The following MGME1 variants were observed in gnomAD, a reference collection of about 807,000 sequenced individuals.
MGME1 encodes the protein chromosome 20 open reading frame 72.
A neutral mutation model predicts 33.0 loss-of-function variants in MGME1; 22 were observed. The observed-to-expected ratio is 0.67, with a 90% CI of 0.48 to 0.95. The LOEUF is 0.95. Ranked by LOEUF, MGME1 falls within the 40% of genes least tolerant of loss-of-function variation. MGME1 has a pLI of 0.00. For missense variants in MGME1, 383 were observed against 397.8 expected (o/e 0.96, Z 0.32); for synonymous variants, 133 against 144.0 (o/e 0.92, Z 0.55).
intron 3 of MGME1, among the ~76,000 whole-genome samples, chr20:17,984,450 G>A (rs2036106226): frequency 6.6e-6 from 1 of 152,050 alleles, no homozygotes; most frequent in Non-Finnish European, 1.5e-5. Context: ...TACTACTCGT[G>A]TTCGTGGTTA....
chr20:17,970,426 A>G (rs2035697312), intron 2 of MGME1, 56 bp downstream of exon 2: 6 of 1,510,436 alleles, frequency 4.0e-6, no homozygotes, highest in Non-Finnish European at 5.3e-6. Flanking sequence ...AATAGAGAGC[A>G]ACGGTGTCAA....
chr20:17,977,863 C>T (rs924501126), intron 3 of MGME1, among the ~76,000 whole-genome samples: 7 of 152,252 alleles, frequency 4.6e-5, no homozygotes, highest in South Asian at 2.1e-4. Flanking sequence ...GAGTTGCTCT[C>T]GTTCGAACGC....
At chr20:17,981,873 G>A (rs2036031332) in intron 3 of MGME1, among the ~76,000 whole-genome samples, 2 of 149,856 alleles carry the variant, frequency 1.3e-5, no homozygotes, top group Non-Finnish European at 3.0e-5. Context: ...GGCTTGTTTC[G>A]AACTCCTGAC....
chr20:17,979,604 G>T (rs2035954858), intron 3 of MGME1, among the ~76,000 whole-genome samples: 1 of 149,792 alleles, frequency 6.7e-6, no homozygotes. Context: ...TTTTAGTAGA[G>T]ACAGGGTTTC....
chr20:17,986,549 A>G (rs1223271113), intron 3 of MGME1, among the ~76,000 whole-genome samples: 2 of 145,768 alleles, frequency 1.4e-5, no homozygotes, highest in Non-Finnish European at 3.0e-5. Flanking sequence ...TTATAGAGAC[A>G]GGGTTTCACC....
chr20:17,989,360 T>A (rs1451526974), intron 4 of MGME1, among the ~76,000 whole-genome samples: 1 of 150,984 alleles, frequency 6.6e-6, no homozygotes, highest in Non-Finnish European at 1.5e-5. Context: ...CACTCCAGCC[T>A]GGGCAACAGA....
intron 3 of MGME1, 42 bp downstream of exon 3, chr20:17,975,945 G>T: frequency 3.4e-6 from 5 of 1,471,208 alleles, no homozygotes; most frequent in Non-Finnish European, 3.8e-6. Flanking sequence ...GCGTAGGACA[G>T]ATGGTGCCTG....
chr20:17,984,675 G>A (rs973412605), intron 3 of MGME1, among the ~76,000 whole-genome samples: 23 of 152,052 alleles, frequency 1.5e-4, no homozygotes, highest in African/African-American at 5.6e-4. Flanking sequence ...TTGTGTCTTA[G>A]TTTTTAACAA....
intron 2 of MGME1, among the ~76,000 whole-genome samples, chr20:17,971,208 G>T (rs1267111411): frequency 2.0e-5 from 3 of 152,152 alleles, no homozygotes; most frequent in Non-Finnish European, 4.4e-5. Context: ...CTAAAACTAT[G>T]CGTGTAACAC....
At chr20:17,974,523 G>A (rs2035811097) in intron 2 of MGME1, among the ~76,000 whole-genome samples, 1 of 152,156 alleles carries the variant, frequency 6.6e-6, no homozygotes, top group Non-Finnish European at 1.5e-5. Context: ...GAAACCTGGG[G>A]ACGAAAAGTA....
chr20:17,984,704 A>C (rs2036111348), intron 3 of MGME1, among the ~76,000 whole-genome samples: 1 of 152,182 alleles, frequency 6.6e-6, no homozygotes, highest in Non-Finnish European at 1.5e-5. Flanking sequence ...GGGGTAAAAA[A>C]TAATTTTAAT....
At chr20:17,982,381 A>G (rs902185923) in intron 3 of MGME1, among the ~76,000 whole-genome samples, 2 of 152,174 alleles carry the variant, frequency 1.3e-5, no homozygotes, top group African/African-American at 4.8e-5. Flanking sequence ...CAGCCTCCCA[A>G]AGTGCTGGGA....
intron 3 of MGME1, among the ~76,000 whole-genome samples, chr20:17,984,973 G>A (rs1330845703): frequency 6.6e-6 from 1 of 150,636 alleles, no homozygotes; most frequent in African/African-American, 2.4e-5. Context: ...GGAGGTGGGG[G>A]TTGCAGTGAA....
chr20:17,973,496 T>A (rs557936123), intron 2 of MGME1, among the ~76,000 whole-genome samples: 3 of 151,806 alleles, frequency 2.0e-5, no homozygotes, highest in African/African-American at 7.3e-5. Flanking sequence ...AAAAAAAAAT[T>A]TTTTTGAATT....
upstream of MGME1, chr20:17,968,698 A>G: frequency 2.0e-6 from 1 of 495,450 alleles, no homozygotes; most frequent in Non-Finnish European, 3.7e-6. Context: ...CGTGGGGCCT[A>G]CCCTTGCTCC....
intron 3 of MGME1, among the ~76,000 whole-genome samples, chr20:17,984,079 G>C (rs2036097728): frequency 1.3e-5 from 2 of 152,004 alleles, no homozygotes; most frequent in Admixed American, 1.3e-4. Flanking sequence ...ATTTTAAGTT[G>C]ATTTTTGTAT....
At chr20:17,986,492 G>A (rs1236923763) in intron 3 of MGME1, among the ~76,000 whole-genome samples, 2 of 151,582 alleles carry the variant, frequency 1.3e-5, no homozygotes, top group African/African-American at 4.9e-5. Context: ...TGAGTAGCTG[G>A]GACAACAGGC....
chr20:17,988,171 A>G lies in MGME1; in HGVS notation c.737A>G (p.Lys246Arg). 1 of 1,612,710 alleles carries G rather than the reference A, an allele frequency of 6.2e-7. No individual in the cohort carries two copies. Among genetic ancestry groups the G allele is most frequent in the Non-Finnish European group, 8.5e-7 (1 of 1,179,538 alleles). ...LLDCVAEYQG[K>R]LCVIDWKTSE... is the part of the protein sequence containing the mutation. Reference sequence around the variant, plus strand: ...TTCCTGTGGTTTCTCTTTAGGGGCAAGCTCTGTGTGATTGATTGGAAGACA... The same window carrying G: ...TTCCTGTGGTTTCTCTTTAGGGGCAGGCTCTGTGTGATTGATTGGAAGACA... Residue 246 changes from lysine to arginine, a missense_variant, in exon 4 of 5, where the codon AAG becomes AGG. Lys to Arg is a conservative substitution (Grantham distance 26). Coordinates refer to ENST00000377710, the MANE Select transcript of MGME1 (RefSeq NM_052865.4).
chr20:17,971,317 C>A (rs2035723925), intron 2 of MGME1, among the ~76,000 whole-genome samples: 1 of 152,164 alleles, frequency 6.6e-6, no homozygotes, highest in African/African-American at 2.4e-5. Flanking sequence ...TATAATATTC[C>A]TCAGCTGTGT....
Sources: allele counts gnomAD v4.1 joint callset (sites outside exome capture counted in the v4.1 genomes callset), GRCh38; gene constraint gnomAD v4.1.1; transcripts MANE v1.5; gene names NCBI Gene and HGNC (gene_info 2026-07-23, HGNC 2026-07-21).